Variants in RABGAP1 observed in about 807,000 individuals in gnomAD.
The protein encoded by RABGAP1 is RAB GTPase activating protein 1, also known as rab GTPase-activating protein 1.
A neutral mutation model predicts 137.6 loss-of-function variants in RABGAP1; 23 were observed. The ratio of observed to expected loss-of-function variants is 0.17; its 90% CI spans 0.12 to 0.24. RABGAP1 has a LOEUF of 0.24. RABGAP1 is among the 10% of genes least tolerant of loss of function. RABGAP1 has a pLI of 1.00. For synonymous variants in RABGAP1, 451 were observed against 450.7 expected (o/e 1.00, Z -0.01); for missense variants, 906 against 1,275.8 (o/e 0.71, Z 4.42).
At chr9:123,030,480 T>C (rs2032237426) in intron 13 of RABGAP1, among the ~76,000 whole-genome samples, 1 of 152,192 alleles carries the variant, frequency 6.6e-6, no homozygotes, top group Non-Finnish European at 1.5e-5. Flanking sequence ...ATATAGAAAG[T>C]TACTCAGCCT....
intron 13 of RABGAP1, among the ~76,000 whole-genome samples, chr9:123,022,702 GC>G (rs2031720653): frequency 6.6e-6 from 1 of 152,054 alleles, no homozygotes; most frequent in Admixed American, 6.5e-5. Flanking sequence ...ACCGCGCCCG[GC>G]CCCCCAAATT....
chr9:122,975,162 C>T (rs192510796), intron 2 of RABGAP1, among the ~76,000 whole-genome samples: 55 of 152,144 alleles, frequency 3.6e-4, no homozygotes, highest in African/African-American at 1.1e-3. Context: ...ATCAGGAATT[C>T]GTCTTTAATT....
intron 9 of RABGAP1, among the ~76,000 whole-genome samples, chr9:122,997,585 T>C (rs28671723): frequency 2.8e-5 from 1 of 35,810 alleles, no homozygotes; most frequent in African/African-American, 3.5e-5. Flanking sequence ...CTCTTTCTTT[T>C]CTTTCTTTCT....
At chr9:123,089,501 T>C (rs2034972780) in intron 19 of RABGAP1, 1 of 386,890 alleles carries the variant, frequency 2.6e-6, no homozygotes. Flanking sequence ...AGGAGCCGTC[T>C]GTAGGGTGTT....
At chr9:123,003,004 C>T (rs553243217) in intron 10 of RABGAP1, among the ~76,000 whole-genome samples, 3 of 152,020 alleles carry the variant, frequency 2.0e-5, no homozygotes, top group Admixed American at 1.3e-4. Context: ...TGTGTTTGTG[C>T]GGGGATTTAG....
Position 123,020,296 on chromosome 9 carries a change from G to A in RABGAP1, c.1644-13G>A. ...TTCCTTTTATGATTTATGGTTTATG[G>A]CCTTATTTTTAGGCATCTCAACTTG... is the stretch of plus-strand genomic sequence containing the variant. On this transcript the variant is annotated splice_polypyrimidine_tract_variant and intron_variant, in intron 12 of 25. Coordinates refer to ENST00000373647, the MANE Select transcript of RABGAP1 (RefSeq NM_012197.4). 6.6e-7 allele frequency: 1 copy of A among 1,515,120 alleles called. No individual in the cohort carries two copies. Among genetic ancestry groups the A allele is most frequent in the South Asian group, 1.4e-5 (1 of 74,018 alleles). 93.9% of individuals were successfully genotyped at this position (1,515,120 alleles called of 1,614,324 possible).
Position 122,992,692 on chromosome 9 carries a change from A to G in RABGAP1, c.923+2479A>G, listed in dbSNP as rs975922220. Among the ~76,000 whole-genome samples the G allele has an allele frequency of 1.1e-4, 16 of 148,416 alleles. No individual in the cohort carries two copies. In the East Asian group the frequency reaches 1.2e-3, roughly 11 times the overall value. ...ATACCTAAATATATTAGGTTAATATATATTATTTAGGTATAATAATAATTA... is the reference window on the plus strand; with the variant it reads ...ATACCTAAATATATTAGGTTAATATGTATTATTTAGGTATAATAATAATTA... On this transcript the variant is annotated intron_variant, in intron 6 of 25. Transcript: ENST00000373647.
At chr9:123,010,591 C>T (rs1258527734) in intron 11 of RABGAP1, 63 bp downstream of exon 11, 6 of 1,442,362 alleles carry the variant, frequency 4.2e-6, no homozygotes, top group East Asian at 2.3e-5. Context: ...CTATTAAAAT[C>T]GTATCAGGGG....
intron 1 of RABGAP1, among the ~76,000 whole-genome samples, chr9:122,942,688 A>C (rs1313156664): frequency 3.0e-5 from 4 of 132,826 alleles, no homozygotes; most frequent in South Asian, 2.5e-4. Context: ...AAAAAAAAAA[A>C]CACAAAAAAA....
At position 123,010,469 on chromosome 9, in the gene RABGAP1, C is replaced by T. The variant is rs1588265062; in HGVS notation, c.1490C>T (p.Pro497Leu). Residue 497 changes from proline to leucine, a missense_variant, in exon 11 of 26, where the codon CCA becomes CTA. Coordinates refer to ENST00000373647, the MANE Select transcript of RABGAP1 (RefSeq NM_012197.4). ...ACAGCCAGTCCTTCAGTTCGCCTGC[C>T]ACAGTCTGGATCGCAAAGTTCAGTG... ...KTTASPSVRL[P>L]QSGSQSSVIP... The T allele has an allele frequency of 6.2e-7, 1 of 1,613,940 alleles. No homozygotes were observed. Among genetic ancestry groups the T allele is most frequent in the East Asian group, 2.2e-5 (1 of 44,872 alleles).
At chr9:123,043,900 CTTTTTTT>C (rs1186243080) in intron 13 of RABGAP1, among the ~76,000 whole-genome samples, 1 of 129,430 alleles carries the variant, frequency 7.7e-6, no homozygotes, top group Non-Finnish European at 1.7e-5. Context: ...GTATTATTTT[CTTTTTTT>C]TTTTTTTTTT....
chr9:123,077,164 G>GTT (rs57474987), intron 19 of RABGAP1, among the ~76,000 whole-genome samples: 1 of 124,468 alleles, frequency 8.0e-6, no homozygotes, highest in African/African-American at 4.4e-5. Flanking sequence ...TTTTGTTTTT[G>GTT]TTTTTTTTTT....
At chr9:123,012,237 C>T (rs1228618330) in intron 11 of RABGAP1, among the ~76,000 whole-genome samples, 1 of 152,162 alleles carries the variant, frequency 6.6e-6, no homozygotes, top group Non-Finnish European at 1.5e-5. Flanking sequence ...GTGGATTGTT[C>T]CCACTGTTTG....
In RABGAP1 at chr9:122,993,645, G is replaced by T. The variant is rs147355282; in HGVS notation, c.924-2396G>T. On this transcript the variant is annotated intron_variant, in intron 6 of 25. Transcript: ENST00000373647. ...GGGAAAACTGAGCATTTGTTTGTTT[G>T]TTGTTGAGACAGGGTCTCACACTTT... Among the ~76,000 whole-genome samples, 916 of 152,242 alleles carry T rather than the reference G, an allele frequency of 6.0e-3. 8 individuals are homozygous for T. The highest frequency in any genetic ancestry group is 9.0e-3 in the Non-Finnish European group (612 of 68,006).
chr9:123,085,587 G>C (rs528703604), intron 19 of RABGAP1, among the ~76,000 whole-genome samples: 1 of 152,202 alleles, frequency 6.6e-6, no homozygotes, highest in African/African-American at 2.4e-5. Context: ...GATTTCCAAA[G>C]CCTTCTGATA....
intron 13 of RABGAP1, 46 bp from the exon 14 acceptor site, chr9:123,065,302 A>T: frequency 7.3e-7 from 1 of 1,366,446 alleles, no homozygotes; most frequent in Non-Finnish European, 1.0e-6. Context: ...ATAAGAGTTT[A>T]CATGATTAAC....
At chr9:122,972,051 G>A (rs79809392) in intron 2 of RABGAP1, 1 of 152,166 alleles carries the variant, frequency 6.6e-6, no homozygotes. Flanking sequence ...TGGACTTGGT[G>A]CCTGTATTTA....
chr9:123,037,139 A>G (rs901739369), intron 13 of RABGAP1, among the ~76,000 whole-genome samples: 1 of 152,156 alleles, frequency 6.6e-6, no homozygotes. Flanking sequence ...AGATGGAAGA[A>G]ACCCAGGGGA....
chr9:123,020,512 GA>G, intron 13 of RABGAP1, 53 bp downstream of exon 13: 1 of 1,391,748 alleles, frequency 7.2e-7, no homozygotes, highest in Non-Finnish European at 9.5e-7. Flanking sequence ...GATTTGTGAT[GA>G]AAAGATCATT....
Sources: allele counts gnomAD v4.1 joint callset (sites outside exome capture counted in the v4.1 genomes callset), GRCh38; gene constraint gnomAD v4.1.1; transcripts MANE v1.5; gene names NCBI Gene and HGNC (gene_info 2026-07-23, HGNC 2026-07-21).